Variants in NID2 observed in about 807,000 individuals in gnomAD.
NID2 encodes the protein nidogen-2.
Under a neutral mutation model 145.4 loss-of-function variants are expected in NID2, and 83 were observed. The observed-to-expected ratio is 0.57, with a 90% confidence interval of 0.48 to 0.69. The LOEUF (loss-of-function observed/expected upper bound fraction) is 0.69, where lower values mean the gene tolerates loss of function less well. Ranked by LOEUF, NID2 falls within the 30% of genes least tolerant of loss-of-function variation. The pLI is 0.00. For synonymous variants in NID2, 739 were observed against 701.3 expected (o/e 1.05, Z -0.85); for missense variants, 1,807 against 1,765.7 (o/e 1.02, Z -0.42).
chr14:52,005,351 A>G lies in NID2; in HGVS notation c.*135T>C. ...CTTTTCACAAAAGTCTTTTTGCACT[A>G]CAAAATGTTCATCTTGGATGCTCAG... is the stretch of plus-strand genomic sequence containing the variant. On this transcript the variant is annotated 3_prime_UTR_variant, in exon 22 of 22. Coordinates refer to ENST00000216286, the MANE Select transcript of NID2 (RefSeq NM_007361.4). 1.3e-6 allele frequency: 1 copy of G among 773,950 alleles called. No homozygotes were observed. The highest frequency in any genetic ancestry group is 1.9e-6 in the Non-Finnish European group (1 of 524,424). The allele number at this position is 773,950 out of a possible 1,614,324, so 47.9% of individuals were successfully genotyped here.
chr14:52,021,141 C>T (rs568566958), intron 12 of NID2, among the ~76,000 whole-genome samples: 153 of 149,814 alleles, frequency 1.0e-3, no homozygotes, highest in Non-Finnish European at 1.9e-3. Flanking sequence ...GGTGTAGGTC[C>T]GATTAAGGCT....
intron 20 of NID2, 164 bp downstream of exon 20, chr14:52,006,373 G>GA (rs1890782799): frequency 1.4e-6 from 1 of 723,848 alleles, no homozygotes; most frequent in Admixed American, 2.8e-5. Flanking sequence ...ATGAAAGGAT[G>GA]AAAAACATCC....
At chr14:52,035,876 A>ATATG (rs1892050082) in intron 9 of NID2, among the ~76,000 whole-genome samples, 1 of 140,754 alleles carries the variant, frequency 7.1e-6, no homozygotes, top group Admixed American at 7.3e-5. Flanking sequence ...ATATATATAT[A>ATATG]TATGTTTTAT....
intron 9 of NID2, among the ~76,000 whole-genome samples, chr14:52,035,546 C>T (rs964154001): frequency 6.6e-6 from 1 of 152,114 alleles, no homozygotes; most frequent in African/African-American, 2.4e-5. Flanking sequence ...GTTATGTGGC[C>T]AACTCTGGCC....
intron 1 of NID2, among the ~76,000 whole-genome samples, chr14:52,068,446 GA>G (rs1201267378): frequency 6.6e-6 from 1 of 152,198 alleles, no homozygotes; most frequent in East Asian, 1.9e-4. Flanking sequence ...TCTGAAGAGG[GA>G]ACACCCCAGC....
chr14:52,033,297 A>G (rs889075834), intron 9 of NID2, among the ~76,000 whole-genome samples: 19 of 152,110 alleles, frequency 1.2e-4, no homozygotes, highest in African/African-American at 4.3e-4. Context: ...GCTTCACTGC[A>G]CAGCCCTCTG....
intron 5 of NID2, among the ~76,000 whole-genome samples, chr14:52,043,260 C>T (rs893888242): frequency 3.3e-5 from 5 of 152,058 alleles, no homozygotes; most frequent in Non-Finnish European, 5.9e-5. Context: ...TTTTGTGGGT[C>T]AAAAAGGGCT....
intron 9 of NID2, 58 bp from the exon 10 acceptor site, chr14:52,029,748 G>A (rs978826494): frequency 6.3e-6 from 9 of 1,422,806 alleles, no homozygotes; most frequent in Admixed American, 3.7e-5. Context: ...CAAATGTCAC[G>A]GAGATAGAGG....
In NID2 at chr14:52,005,777, G is replaced by T; in HGVS notation, c.4077C>A (p.His1359Gln). 6.2e-7 allele frequency: 1 copy of T among 1,613,854 alleles called. No homozygotes were observed. The highest frequency in any genetic ancestry group is 8.5e-7 in the Non-Finnish European group (1 of 1,179,786). Residue 1359 changes from histidine (H) to glutamine (Q), a missense_variant, in exon 21 of 22, where the codon CAC becomes CAA. Physicochemically the swap from His to Gln is conservative, Grantham distance 24. Coordinates refer to ENST00000216286, the MANE Select transcript of NID2 (RefSeq NM_007361.4). ...TDEYLPEQRS[H>Q]LYGITAVYPY... ...GGTAGACTGCAGTTATCCCGTAGAG[G>T]TGAGATCGTTGTTCTGGGAGATACT...
At chr14:52,012,306 G>A (rs1361772799) in intron 16 of NID2, among the ~76,000 whole-genome samples, 2 of 152,104 alleles carry the variant, frequency 1.3e-5, no homozygotes, top group Non-Finnish European at 1.5e-5. Context: ...GTTATATCCT[G>A]TACTAAAGAA....
chr14:52,008,248 C>T lies in NID2; in HGVS notation c.3723-281G>A, dbSNP rs529771287. On this transcript the variant is annotated intron_variant, in intron 18 of 21. Coordinates refer to ENST00000216286, the MANE Select transcript of NID2 (RefSeq NM_007361.4). Reference sequence around the variant, plus strand: ...AAGCTGGATGCCATGTTGCAAGCTACCCTGTAAAGGGGAACATGTGCCAAG... The same window carrying T: ...AAGCTGGATGCCATGTTGCAAGCTATCCTGTAAAGGGGAACATGTGCCAAG... 7.6e-5 allele frequency: 23 copies of T among 301,630 alleles called. No homozygotes were observed. The South Asian group carries it at 1.3e-3, about 18-fold the overall frequency. The allele number at this position is 301,630 out of a possible 1,614,324, so 18.7% of individuals were successfully genotyped here.
intron 16 of NID2, among the ~76,000 whole-genome samples, chr14:52,012,922 C>T (rs778883361): frequency 1.3e-5 from 2 of 152,110 alleles, no homozygotes; most frequent in South Asian, 2.1e-4. Context: ...GCTTCACTTA[C>T]GCCCCCTGGG....
Position 52,039,835 on chromosome 14 carries a change from A to G in NID2, c.2026+816T>C, listed in dbSNP as rs117514021. Among the ~76,000 whole-genome samples the G allele has an allele frequency of 4.4e-3, 677 of 152,386 alleles. 3 individuals are homozygous for G. The highest frequency in any genetic ancestry group is 7.6e-3 in the Non-Finnish European group (519 of 68,040). On this transcript the variant is annotated intron_variant, in intron 8 of 21. Coordinates refer to ENST00000216286, the MANE Select transcript of NID2 (RefSeq NM_007361.4). ...TGAGAAAATACATTCTCAGATATTA[A>G]GAGGCCTTTCCCTATAGATATTAAA...
intron 14 of NID2, among the ~76,000 whole-genome samples, chr14:52,017,833 C>CAA (rs149646584): frequency 0.1 from 15,112 of 151,302 alleles, 776 homozygotes; most frequent in Non-Finnish European, 0.11. Context: ...TTTAAAAAAA[C>CAA]AAAAAAAACA....
chr14:52,009,468 A>T (rs1159555847), intron 18 of NID2: 1 of 152,202 alleles, frequency 6.6e-6, no homozygotes, highest in Non-Finnish European at 1.5e-5. Context: ...ATGTAATTAC[A>T]TGTGTTATAT....
rs1001225847 is a variant in NID2 at position 52,005,417 on chromosome 14, T to G, written c.*69A>C. 3 of 1,434,350 alleles carry G rather than the reference T, an allele frequency of 2.1e-6. No homozygotes were observed. In the African/African-American group the frequency reaches 4.3e-5, roughly 20 times the overall value. The allele number at this position is 1,434,350 out of a possible 1,614,324, so 88.9% of individuals were successfully genotyped here. A position where few individuals can be genotyped will look rare whatever the true frequency, so the allele number is the denominator to read the frequency against. ...AATTCCTTTTTTACTTTCTTTGCCT[T>G]TGCAGTCACTGTTCTTTAGGGTCCA... On this transcript the variant is annotated 3_prime_UTR_variant, in exon 22 of 22. Transcript: ENST00000216286.
rs1216845416 is a variant in NID2, at chr14:52,016,961, CTG to C, written c.3029-1688_3029-1687del. 2.0e-5 allele frequency among the ~76,000 whole-genome samples: 3 copies of C among 152,344 alleles called. No individual in the cohort carries two copies. The East Asian group carries it at 5.8e-4, about 29-fold the overall frequency. ...GGAAGCGAATGCCGTTAAGTTGTCACTGTAGCTCATGACCCATGGGAGACAAA... is the reference window on the plus strand; with the variant it reads ...GGAAGCGAATGCCGTTAAGTTGTCACTAGCTCATGACCCATGGGAGACAAA... On this transcript the variant is annotated intron_variant, in intron 14 of 21. Coordinates refer to ENST00000216286, the MANE Select transcript of NID2 (RefSeq NM_007361.4).
In NID2 at chr14:52,062,033, CT is replaced by C. The variant is rs1893034025; in HGVS notation, c.535-1678del. On this transcript the variant is annotated intron_variant, in intron 2 of 21. Transcript: ENST00000216286. ...GCACAGAGAAGAACATCACATTTCA[CT>C]GAAGGAAACAGCAAGGAAGGAATGG... 3.9e-5 allele frequency among the ~76,000 whole-genome samples: 6 copies of C among 152,336 alleles called. No individual in the cohort carries two copies. In the South Asian group the frequency reaches 1.2e-3, roughly 32 times the overall value.
chr14:52,005,285 C>T lies in NID2; in HGVS notation c.*201G>A. ...ACCTTTTTAAACTTGCAATAACAAC[C>T]TTCATTTTTAAAAATACAGTAGTAA... On this transcript the variant is annotated 3_prime_UTR_variant, in exon 22 of 22. Transcript: ENST00000216286. 1 of 417,738 alleles carries T rather than the reference C, an allele frequency of 2.4e-6. No homozygotes were observed. The highest frequency in any genetic ancestry group is 4.2e-6 in the Non-Finnish European group (1 of 240,514). The allele number at this position is 417,738 out of a possible 1,614,324, so 25.9% of individuals were successfully genotyped here.
Sources: gnomAD v4.1 joint callset for allele counts (sites outside exome capture counted in the v4.1 genomes callset) on GRCh38, gnomAD v4.1.1 for gene constraint, MANE v1.5 for transcripts, NCBI Gene and HGNC (gene_info 2026-07-23, HGNC 2026-07-21) for gene names.